The following MAP2K5 variants were observed in gnomAD, a reference collection of about 807,000 sequenced individuals.
The protein encoded by MAP2K5 is mitogen-activated protein kinase kinase 5.
Under a neutral mutation model 83.1 loss-of-function variants are expected in MAP2K5, and 49 were observed. That is an observed-to-expected ratio of 0.59 (90% CI 0.47 to 0.75). The LOEUF (loss-of-function observed/expected upper bound fraction) is 0.75, where lower values mean the gene tolerates loss of function less well. MAP2K5 is among the 30% of genes least tolerant of loss of function. MAP2K5 has a pLI of 0.00. For synonymous variants in MAP2K5, 202 were observed against 191.8 expected (o/e 1.05, Z -0.44); for missense variants, 457 against 557.5 (o/e 0.82, Z 1.82).
intron 8 of MAP2K5, among the ~76,000 whole-genome samples, chr15:67,618,186 G>T (rs893488472): frequency 6.6e-6 from 1 of 152,150 alleles, no homozygotes; most frequent in Non-Finnish European, 1.5e-5. Flanking sequence ...CCTAAGTATT[G>T]CTTTTGAAAT....
chr15:67,562,498 CT>C lies in MAP2K5; in HGVS notation c.185-783del, dbSNP rs1367289213. ...TTTCTAGATGTGGCCTCTGATGATACTTACTCAAATTTACACATTCTGGTTA... is the reference window on the plus strand; with the variant it reads ...TTTCTAGATGTGGCCTCTGATGATACTACTCAAATTTACACATTCTGGTTA... On this transcript the variant is annotated intron_variant, in intron 2 of 21. Transcript: ENST00000178640. This position sits in a 1 kb window ranked among gnomAD's most constrained non-coding sequence, Gnocchi z 4.1. Among the ~76,000 whole-genome samples, 1 of 152,142 alleles carries C rather than the reference CT, an allele frequency of 6.6e-6. No homozygotes were observed. The highest frequency in any genetic ancestry group is 1.5e-5 in the Non-Finnish European group (1 of 68,016).
At position 67,695,123 on chromosome 15, in the gene MAP2K5, G is replaced by T. The variant is rs1050292097; in HGVS notation, c.972+1555G>T. ...GGGGACTGTTGTGGGTTGGGGGGAG[G>T]GGGGAGGGATGGCATTGGGAGATAT... On this transcript the variant is annotated intron_variant, in intron 15 of 21. Coordinates refer to ENST00000178640, the MANE Select transcript of MAP2K5 (RefSeq NM_145160.3). Among the ~76,000 whole-genome samples the T allele has an allele frequency of 2.2e-5, 3 of 138,714 alleles. 1 individual carries two copies. Among genetic ancestry groups the T allele is most frequent in the South Asian group, 2.7e-4 (1 of 3,746 alleles). 91.0% of individuals were successfully genotyped at this position (138,714 alleles called of 152,430 possible). A position where few individuals can be genotyped will look rare whatever the true frequency, so the allele number is the denominator to read the frequency against.
At position 67,777,585 on chromosome 15, in the gene MAP2K5, A is replaced by G. The variant is rs1488127487; in HGVS notation, c.1242+4833A>G. Among the ~76,000 whole-genome samples, 1 of 152,244 alleles carries G rather than the reference A, an allele frequency of 6.6e-6. No homozygotes were observed. Among genetic ancestry groups the G allele is most frequent in the Middle Eastern group, 3.2e-3 (1 of 316 alleles). ...AAAAACATATACCCATTCTATCTGTATGTAAATGCGTGAGGCACAGCTGGA... is the reference window on the plus strand; with the variant it reads ...AAAAACATATACCCATTCTATCTGTGTGTAAATGCGTGAGGCACAGCTGGA... On this transcript the variant is annotated intron_variant, in intron 21 of 21. Transcript: ENST00000178640. The surrounding 1 kb of genome is among the most constrained non-coding windows in gnomAD (Gnocchi z 6.0).
intron 3 of MAP2K5, among the ~76,000 whole-genome samples, chr15:67,575,056 A>G (rs928576267): frequency 6.6e-6 from 1 of 152,066 alleles, no homozygotes; most frequent in East Asian, 1.9e-4. Flanking sequence ...AGGGGATAGG[A>G]GAGGAAATCA....
intron 13 of MAP2K5, among the ~76,000 whole-genome samples, chr15:67,684,034 TCAAGGAGAC>T (rs779005684): frequency 2.6e-5 from 4 of 152,142 alleles, no homozygotes; most frequent in Non-Finnish European, 5.9e-5. Context: ...AATTTGGAGT[TCAAGGAGAC>T]CAAAATGGCT....
rs965294770 is a variant in MAP2K5, at chr15:67,587,550, G to C, written c.431+637G>C. ...ATCAAATCTCTTACTGAACATCCCT[G>C]TCGGAGGAATGCACTTTATCAGCCA... On this transcript the variant is annotated intron_variant, in intron 6 of 21. Coordinates refer to ENST00000178640, the MANE Select transcript of MAP2K5 (RefSeq NM_145160.3). The surrounding 1 kb of genome is among the most constrained non-coding windows in gnomAD (Gnocchi z 4.8). Among the ~76,000 whole-genome samples, 1 of 152,150 alleles carries C rather than the reference G, an allele frequency of 6.6e-6. No homozygotes were observed. The highest frequency in any genetic ancestry group is 2.4e-5 in the African/African-American group (1 of 41,426).
At chr15:67,574,635 G>A (rs1338730480) in intron 3 of MAP2K5, among the ~76,000 whole-genome samples, 1 of 151,126 alleles carries the variant, frequency 6.6e-6, no homozygotes, top group Non-Finnish European at 1.5e-5. Flanking sequence ...TTGGGAGGCC[G>A]AGGTGGGCGA....
chr15:67,617,858 T>C (rs1198468382), intron 8 of MAP2K5, among the ~76,000 whole-genome samples: 6 of 152,048 alleles, frequency 3.9e-5, no homozygotes, highest in Non-Finnish European at 5.9e-5. Flanking sequence ...GCCCAGCTAA[T>C]TTTTTTAAAT....
rs1018480817 is a variant in MAP2K5, at chr15:67,719,341, G to C, written c.1045-8575G>C. ...TGTGGCATAGAAACAAGCAAACCAG[G>C]CACCTCCAGGTTGACCAGTCTCCAG... On this transcript the variant is annotated intron_variant, in intron 16 of 21. Coordinates refer to ENST00000178640, the MANE Select transcript of MAP2K5 (RefSeq NM_145160.3). The surrounding 1 kb of genome is among the most constrained non-coding windows in gnomAD (Gnocchi z 4.6). 2.0e-5 allele frequency among the ~76,000 whole-genome samples: 3 copies of C among 152,064 alleles called. No homozygotes were observed. The highest frequency in any genetic ancestry group is 2.4e-5 in the African/African-American group (1 of 41,386).
intron 13 of MAP2K5, among the ~76,000 whole-genome samples, chr15:67,688,232 G>T (rs2088006881): frequency 6.6e-6 from 1 of 152,200 alleles, no homozygotes; most frequent in Non-Finnish European, 1.5e-5. Flanking sequence ...TGAGAGTATG[G>T]GGCAGCTCAC....
chr15:67,553,458 C>T (rs554534600), intron 2 of MAP2K5, among the ~76,000 whole-genome samples: 8 of 152,146 alleles, frequency 5.3e-5, no homozygotes, highest in Non-Finnish European at 1.0e-4. Flanking sequence ...CAAAACATAC[C>T]CACAGACAAA....
intron 3 of MAP2K5, among the ~76,000 whole-genome samples, chr15:67,576,325 A>G (rs1444742045): frequency 6.8e-6 from 1 of 147,814 alleles, no homozygotes; most frequent in African/African-American, 2.5e-5. Context: ...AAAAAATGTA[A>G]TTATTGATTG....
chr15:67,803,313 GA>G (rs2090739562), intron 21 of MAP2K5, among the ~76,000 whole-genome samples: 1 of 152,232 alleles, frequency 6.6e-6, no homozygotes, highest in Non-Finnish European at 1.5e-5. Flanking sequence ...GCCTTGCCAA[GA>G]TGCCTAGGGC....
rs557963394 is a variant in MAP2K5, at chr15:67,786,517, A to G, written c.1242+13765A>G. On this transcript the variant is annotated intron_variant, in intron 21 of 21. Transcript: ENST00000178640. This position sits in a 1 kb window ranked among gnomAD's most constrained non-coding sequence, Gnocchi z 4.7. ...TCTCAGGAGCAGACTAGACATGCCCATTGGCAACATTTAGAGAAGGTAGAT... is the reference window on the plus strand; with the variant it reads ...TCTCAGGAGCAGACTAGACATGCCCGTTGGCAACATTTAGAGAAGGTAGAT... Among the ~76,000 whole-genome samples the G allele has an allele frequency of 4.4e-4, 67 of 152,332 alleles. No individual in the cohort carries two copies. The highest frequency in any genetic ancestry group is 8.2e-4 in the Non-Finnish European group (56 of 68,030).
intron 9 of MAP2K5, among the ~76,000 whole-genome samples, chr15:67,641,021 T>C (rs918617025): frequency 6.6e-5 from 10 of 152,204 alleles, no homozygotes; most frequent in Non-Finnish European, 1.3e-4. Context: ...GTCAAGACAA[T>C]TGCAGATAAG....
In MAP2K5 at chr15:67,665,116, A is replaced by T. The variant is rs913699153; in HGVS notation, c.847+471A>T. 2.0e-5 allele frequency among the ~76,000 whole-genome samples: 3 copies of T among 152,282 alleles called. No individual in the cohort carries two copies. The highest frequency in any genetic ancestry group is 2.1e-4 in the South Asian group (1 of 4,816). ...AGGTTGTTGTTAAACCCCTAGCCTC[A>T]AGCAGTCCTCCTACCTTGGCCTCCC... On this transcript the variant is annotated intron_variant, in intron 13 of 21. Coordinates refer to ENST00000178640, the MANE Select transcript of MAP2K5 (RefSeq NM_145160.3). This position sits in a 1 kb window ranked among gnomAD's most constrained non-coding sequence, Gnocchi z 4.2.
intron 9 of MAP2K5, chr15:67,642,516 A>G (rs1049973825): frequency 1.0e-5 from 14 of 1,346,058 alleles, no homozygotes; most frequent in African/African-American, 5.7e-5. Context: ...CATGGAGACA[A>G]TGGTGGCATT....
intron 6 of MAP2K5, among the ~76,000 whole-genome samples, chr15:67,590,446 C>CTCTCTCTCTCTCTCT (rs1555529574): frequency 8.2e-4 from 25 of 30,546 alleles, no homozygotes; most frequent in Admixed American, 2.5e-3. Context: ...TCCCTCCCTC[C>CTCTCTCTCTCTCTCT]CTCTCTCTCT....
intron 19 of MAP2K5, among the ~76,000 whole-genome samples, chr15:67,765,093 G>A (rs2090016375): frequency 6.6e-6 from 1 of 152,208 alleles, no homozygotes; most frequent in South Asian, 2.1e-4. Context: ...GGGTGCAGTG[G>A]CTCATGCCTG....
Sources: allele counts gnomAD v4.1 joint callset (sites outside exome capture counted in the v4.1 genomes callset), GRCh38; gene constraint gnomAD v4.1.1; non-coding constraint Gnocchi (gnomAD v3.1); transcripts MANE v1.5; gene names NCBI Gene and HGNC (gene_info 2026-07-23, HGNC 2026-07-21).